CTNND2: variants seen among roughly 807,000 people sequenced by gnomAD.
CTNND2 encodes the protein catenin delta-2.
In CTNND2, 22 loss-of-function variants were observed where a neutral mutation model predicts 144.4. The observed-to-expected ratio is 0.15, with a 90% CI of 0.11 to 0.22. The LOEUF is 0.22. Ranked by LOEUF, CTNND2 falls within the 10% of genes least tolerant of loss-of-function variation. The probability of loss-of-function intolerance (pLI) is 1.00; values close to 1 mark genes in which losing one functional copy is unlikely to be tolerated. For synonymous variants in CTNND2, 751 were observed against 695.6 expected, an observed-to-expected ratio of 1.08 and a Z score of -1.25; for missense variants, 1,353 against 1,618.8, an observed-to-expected ratio of 0.84 and a Z score of 2.82.
intron 1 of CTNND2, among the ~76,000 whole-genome samples, chr5:11,889,600 A>C (rs556736166): frequency 6.6e-6 from 1 of 152,366 alleles, no homozygotes; most frequent in Non-Finnish European, 1.5e-5. Context: ...AATTTAAATA[A>C]GCAGGGGATT....
chr5:11,136,126 C>A (rs767298686), intron 12 of CTNND2, among the ~76,000 whole-genome samples: 19 of 152,112 alleles, frequency 1.2e-4, no homozygotes, highest in Non-Finnish European at 2.1e-4. Flanking sequence ...AGAAAGCAGC[C>A]CTCAGCAGAT....
chr5:11,467,102 T>C (rs1490270183), intron 3 of CTNND2, among the ~76,000 whole-genome samples: 1 of 152,234 alleles, frequency 6.6e-6, no homozygotes, highest in East Asian at 1.9e-4. Flanking sequence ...CCTAAGCCAG[T>C]GCACCAGGCT....
intron 12 of CTNND2, among the ~76,000 whole-genome samples, chr5:11,128,840 GTATATAATA>G (rs533460275): frequency 0.064 from 3,764 of 58,948 alleles, 492 homozygotes; most frequent in African/African-American, 0.21. Flanking sequence ...ATTATATTAA[GTATATAATA>G]TATATAATAT....
At chr5:11,880,463 A>C (rs1735953069) in intron 1 of CTNND2, among the ~76,000 whole-genome samples, 1 of 150,598 alleles carries the variant, frequency 6.6e-6, no homozygotes, top group South Asian at 2.1e-4. Flanking sequence ...CATGGAATAA[A>C]GGCTCAACTA....
chr5:11,077,339 A>G (rs900673113), intron 16 of CTNND2, among the ~76,000 whole-genome samples: 5 of 152,184 alleles, frequency 3.3e-5, no homozygotes, highest in African/African-American at 9.7e-5. Context: ...AAAGGAGCTG[A>G]GGGTAAGATT....
At position 11,903,971 on chromosome 5, in the gene CTNND2, G is replaced by C; in HGVS notation, c.-118C>G. The C allele has an allele frequency of 8.3e-7, 1 of 1,199,658 alleles. No homozygotes were observed. 74.3% of individuals were successfully genotyped at this position (1,199,658 alleles called of 1,614,324 possible). On this transcript the variant is annotated 5_prime_UTR_variant, in exon 1 of 22. Transcript: ENST00000304623. This position sits in a 1 kb window ranked among gnomAD's most constrained non-coding sequence, Gnocchi z 5.4. ...AGCATCTTCCGCTTTTGTTGTCTGA[G>C]CGCGGCCGCGGGACAAGGGATGCTG...
At position 11,903,529 on chromosome 5, in the gene CTNND2, C is replaced by A; in HGVS notation, c.37+288G>T. ...AGCATTGTCGGTGTTGCCCTAAATA[C>A]GCTTCCTCCCGGGGAGATGGGTGGC... is the stretch of plus-strand genomic sequence containing the variant. On this transcript the variant is annotated intron_variant, in intron 1 of 21. Coordinates refer to ENST00000304623, the MANE Select transcript of CTNND2 (RefSeq NM_001332.4). The surrounding 1 kb of genome is among the most constrained non-coding windows in gnomAD (Gnocchi z 5.4). The A allele has an allele frequency of 3.7e-6, 2 of 546,666 alleles. No homozygotes were observed. The highest frequency in any genetic ancestry group is 5.4e-6 in the Non-Finnish European group (2 of 370,268). 33.9% of individuals were successfully genotyped at this position (546,666 alleles called of 1,614,324 possible).
rs148653387 is a variant in CTNND2, at chr5:11,553,568, T to G, written c.287+11376A>C. On this transcript the variant is annotated intron_variant, in intron 3 of 21. Transcript: ENST00000304623. ...TCCCCATTTTTATAGATGAAAGAAA[T>G]AAATAAAAGATAAATTATGACTATA... Among the ~76,000 whole-genome samples the G allele has an allele frequency of 3.0e-3, 452 of 152,120 alleles. 2 individuals are homozygous for G. Among genetic ancestry groups the G allele is most frequent in the African/African-American group, 0.01 (434 of 41,544 alleles).
chr5:11,508,956 C>T (rs1210492817), intron 3 of CTNND2, among the ~76,000 whole-genome samples: 1 of 151,766 alleles, frequency 6.6e-6, no homozygotes, highest in Non-Finnish European at 1.5e-5. Flanking sequence ...TTCAAGTCAT[C>T]AAATTACAGA....
intron 17 of CTNND2, among the ~76,000 whole-genome samples, chr5:11,021,450 A>C (rs888935982): frequency 6.6e-6 from 1 of 152,214 alleles, no homozygotes; most frequent in Non-Finnish European, 1.5e-5. Flanking sequence ...CCAAAGGTCT[A>C]TTGAAGCTAA....
chr5:11,240,386 T>TCAAACACACACCCAACA (rs147304815), intron 9 of CTNND2, among the ~76,000 whole-genome samples: 70,721 of 93,584 alleles, frequency 0.76, 26,898 homozygotes, highest in East Asian at 0.87. Context: ...ACACATACAC[T>TCAAACACACACCCAACA]CACACACCCA....
chr5:11,477,055 T>C (rs377246289), intron 3 of CTNND2, among the ~76,000 whole-genome samples: 15 of 152,366 alleles, frequency 9.8e-5, no homozygotes, highest in South Asian at 2.1e-4. Flanking sequence ...CTGAGTTAAC[T>C]GGAATAGGCT....
intron 3 of CTNND2, among the ~76,000 whole-genome samples, chr5:11,437,144 T>C (rs1386346775): frequency 6.6e-6 from 1 of 152,212 alleles, no homozygotes; most frequent in Non-Finnish European, 1.5e-5. Flanking sequence ...ATTTCCATCT[T>C]TTTAAGACTG....
At chr5:11,550,756 GA>G (rs1281002399) in intron 3 of CTNND2, among the ~76,000 whole-genome samples, 3 of 152,156 alleles carry the variant, frequency 2.0e-5, no homozygotes, top group African/African-American at 7.2e-5. Flanking sequence ...GGATAAAAGG[GA>G]ATTAGAATAC....
At chr5:10,974,126 G>A (rs1373054409) in intron 21 of CTNND2, among the ~76,000 whole-genome samples, 1 of 152,132 alleles carries the variant, frequency 6.6e-6, no homozygotes, top group African/African-American at 2.4e-5. Flanking sequence ...TCAGCCCATG[G>A]CAAGCACCAT....
At chr5:11,689,211 T>C (rs1245167692) in intron 2 of CTNND2, among the ~76,000 whole-genome samples, 1 of 152,218 alleles carries the variant, frequency 6.6e-6, no homozygotes, top group African/African-American at 2.4e-5. Flanking sequence ...GATGAAGTCT[T>C]AGTCTTATTT....
chr5:11,418,682 G>A (rs1581152850), intron 3 of CTNND2, among the ~76,000 whole-genome samples: 1 of 152,284 alleles, frequency 6.6e-6, no homozygotes, highest in Middle Eastern at 3.4e-3. Context: ...CAATTTGTAA[G>A]GAGCAGGGTC....
Position 11,022,824 on chromosome 5 carries a change from G to T in CTNND2, c.2944C>A (p.Arg982=), listed in dbSNP as rs760214222. The T allele has an allele frequency of 6.2e-7, 1 of 1,614,084 alleles. No individual in the cohort carries two copies. The highest frequency in any genetic ancestry group is 1.7e-5 in the Admixed American group (1 of 60,014). Residue 982 remains arginine, a synonymous_variant, in exon 17 of 22, where the codon CGG becomes AGG. Coordinates refer to ENST00000304623, the MANE Select transcript of CTNND2 (RefSeq NM_001332.4). The part of the protein sequence containing the change: ...TKNMENAKAL[R]DAGGIEKLVG... ...AACTTCTCGATGCCACCGGCATCCC[G>T]TAAGGCCTTGGCGTTCTCCATGTTC...
At chr5:11,768,533 G>A (rs766056459) in intron 1 of CTNND2, among the ~76,000 whole-genome samples, 6 of 152,044 alleles carry the variant, frequency 3.9e-5, no homozygotes, top group Non-Finnish European at 7.4e-5. Flanking sequence ...CCATGTGATC[G>A]GCCCACCTTG....
Sources: gnomAD v4.1 joint callset for allele counts (sites outside exome capture counted in the v4.1 genomes callset) on GRCh38, gnomAD v4.1.1 for gene constraint, Gnocchi (gnomAD v3.1) non-coding constraint, MANE v1.5 for transcripts, NCBI Gene and HGNC (gene_info 2026-07-23, HGNC 2026-07-21) for gene names.